Variants in SUSD6 observed in about 807,000 individuals in gnomAD.
The protein encoded by SUSD6 is sushi domain containing 6, also known as sushi domain-containing protein 6.
A neutral mutation model predicts 28.4 loss-of-function variants in SUSD6; 16 were observed. The ratio of observed to expected loss-of-function variants is 0.56; its 90% confidence interval spans 0.38 to 0.86. The LOEUF (loss-of-function observed/expected upper bound fraction) is 0.86. SUSD6 is among the 40% of genes least tolerant of loss of function. The pLI is 0.00. For synonymous variants in SUSD6, 147 were observed against 159.6 expected (o/e 0.92, Z 0.59); for missense variants, 341 against 384.2 (o/e 0.89, Z 0.94).
At chr14:69,619,488 C>T (rs931528499) in intron 1 of SUSD6, among the ~76,000 whole-genome samples, 1 of 151,810 alleles carries the variant, frequency 6.6e-6, no homozygotes, top group Admixed American at 6.6e-5. Context: ...TGGCCTGGTA[C>T]GGTGGCTCAC....
chr14:69,679,745 A>G (rs1055649505), intron 2 of SUSD6, among the ~76,000 whole-genome samples: 2 of 152,174 alleles, frequency 1.3e-5, no homozygotes, highest in African/African-American at 4.8e-5. Flanking sequence ...TTATTTTACT[A>G]TGTCAATTTT....
At chr14:69,673,375 G>C (rs1885861936) in intron 2 of SUSD6, among the ~76,000 whole-genome samples, 1 of 152,174 alleles carries the variant, frequency 6.6e-6, no homozygotes, top group African/African-American at 2.4e-5. Flanking sequence ...AGCAGCAGCT[G>C]CTGCTGGTCT....
intron 2 of SUSD6, among the ~76,000 whole-genome samples, chr14:69,675,174 C>CT (rs1885889258): frequency 6.6e-6 from 1 of 152,130 alleles, no homozygotes; most frequent in Admixed American, 6.5e-5. Flanking sequence ...TGTTGCCGTG[C>CT]TTAAGTTCAC....
At chr14:69,669,353 C>T (rs576974561) in intron 2 of SUSD6, among the ~76,000 whole-genome samples, 2 of 152,334 alleles carry the variant, frequency 1.3e-5, no homozygotes, top group South Asian at 4.1e-4. Flanking sequence ...TGAGCCAGTG[C>T]TCCTGGCCTC....
chr14:69,652,020 A>G (rs1885511825), intron 1 of SUSD6, among the ~76,000 whole-genome samples: 1 of 152,178 alleles, frequency 6.6e-6, no homozygotes, highest in South Asian at 2.1e-4. Flanking sequence ...AGGTTGGTGA[A>G]CATAGTTAAT....
At chr14:69,678,299 T>C (rs1243374171) in intron 2 of SUSD6, among the ~76,000 whole-genome samples, 1 of 150,402 alleles carries the variant, frequency 6.6e-6, no homozygotes, top group Non-Finnish European at 1.5e-5. Flanking sequence ...TTAATATAAG[T>C]GTATATTACA....
In SUSD6 at chr14:69,704,689, C is replaced by CGTGGTGCTGTTT; in HGVS notation, c.409_420dup (p.Val137_Val140dup). The CGTGGTGCTGTTT allele has an allele frequency of 6.2e-7, 1 of 1,614,188 alleles. No homozygotes were observed. The highest frequency in any genetic ancestry group is 8.5e-7 in the Non-Finnish European group (1 of 1,180,030). The stretch of plus-strand genomic sequence containing the variant: ...GCTCCGTGGCGCTCATTCTCCTCCT[C>CGTGGTGCTGTTT]GTGGTGCTGTTTGTGCTGCTGCAGC... On this transcript the variant is annotated inframe_insertion, in exon 4 of 6. Coordinates refer to ENST00000342745, the MANE Select transcript of SUSD6 (RefSeq NM_014734.4).
rs1886527407 is a variant in SUSD6 at position 69,715,066 on chromosome 14, A to G, written c.*4087A>G. 1 of 152,144 alleles carries G rather than the reference A, an allele frequency of 6.6e-6. No homozygotes were observed. Among genetic ancestry groups the G allele is most frequent in the Admixed American group, 6.6e-5 (1 of 15,260 alleles). 9.4% of individuals were successfully genotyped at this position (152,144 alleles called of 1,614,324 possible). On this transcript the variant is annotated 3_prime_UTR_variant, in exon 6 of 6. Transcript: ENST00000342745. The stretch of plus-strand genomic sequence containing the variant: ...GAAGATAGTATTTTAATATTTGTAC[A>G]AAGTTTAATTTAATTTTAATTGTTC...
chr14:69,631,936 C>G (rs1197586456), intron 1 of SUSD6, among the ~76,000 whole-genome samples: 2 of 152,160 alleles, frequency 1.3e-5, no homozygotes, highest in African/African-American at 2.4e-5. Context: ...GAGGGAAGTA[C>G]TTGTTTAGAA....
At chr14:69,691,654 G>C (rs1886154446) in intron 2 of SUSD6, among the ~76,000 whole-genome samples, 1 of 152,184 alleles carries the variant, frequency 6.6e-6, no homozygotes, top group African/African-American at 2.4e-5. Flanking sequence ...TGTGTGTTCT[G>C]GGCAGTGGCA....
chr14:69,688,365 T>A (rs3784150), intron 2 of SUSD6, among the ~76,000 whole-genome samples: 4,851 of 152,322 alleles, frequency 0.032, 102 homozygotes, highest in Middle Eastern at 0.068. Flanking sequence ...TTATAGAGCA[T>A]GAGCCTGGAC....
intron 2 of SUSD6, among the ~76,000 whole-genome samples, chr14:69,669,526 G>A (rs6573899): frequency 6.6e-6 from 1 of 152,014 alleles, no homozygotes; most frequent in African/African-American, 2.4e-5. Flanking sequence ...ACTTGGGTGG[G>A]GTTTGGCTTC....
chr14:69,675,992 C>T (rs771590633), intron 2 of SUSD6, among the ~76,000 whole-genome samples: 15 of 152,162 alleles, frequency 9.9e-5, no homozygotes, highest in Non-Finnish European at 2.2e-4. Flanking sequence ...TTTAGTATGA[C>T]TTCAACCACT....
intron 1 of SUSD6, among the ~76,000 whole-genome samples, chr14:69,655,144 GGTGT>G (rs374901088): frequency 2.0e-5 from 3 of 146,690 alleles, no homozygotes; most frequent in African/African-American, 7.6e-5. Flanking sequence ...TGCTTATAGG[GGTGT>G]GTGTGTGTGT....
rs374570753 is a variant in SUSD6 at position 69,662,153 on chromosome 14, G to A, written c.121+3440G>A. ...CCCACTTCAGAGACATTTTTAAGTG[G>A]GTGCTTGTAAAATATACAGCCTTGC... On this transcript the variant is annotated intron_variant, in intron 2 of 5. Transcript: ENST00000342745. Among the ~76,000 whole-genome samples the A allele has an allele frequency of 2.3e-3, 350 of 152,064 alleles. 3 individuals are homozygous for A. Among genetic ancestry groups the A allele is most frequent in the African/African-American group, 8.0e-3 (334 of 41,498 alleles).
chr14:69,654,943 C>T (rs1354344312), intron 1 of SUSD6, among the ~76,000 whole-genome samples: 1 of 151,648 alleles, frequency 6.6e-6, no homozygotes, highest in Non-Finnish European at 1.5e-5. Context: ...TACAGGTGCC[C>T]GCCACCACAC....
intron 2 of SUSD6, among the ~76,000 whole-genome samples, chr14:69,691,745 G>C (rs1482485915): frequency 1.3e-5 from 2 of 152,136 alleles, no homozygotes; most frequent in African/African-American, 4.8e-5. Context: ...CGTCTTAGAA[G>C]TCTTGTGTTC....
At chr14:69,621,444 G>C (rs1181435087) in intron 1 of SUSD6, among the ~76,000 whole-genome samples, 1 of 152,188 alleles carries the variant, frequency 6.6e-6, no homozygotes, top group Non-Finnish European at 1.5e-5. Context: ...ATGGCAGTGG[G>C]AGGTGAAGGA....
intron 2 of SUSD6, among the ~76,000 whole-genome samples, chr14:69,672,787 G>T (rs974481783): frequency 3.3e-5 from 5 of 152,226 alleles, no homozygotes; most frequent in Admixed American, 3.3e-4. Context: ...GATCTGAGCA[G>T]ATCAGCCTTA....
Sources: allele counts gnomAD v4.1 joint callset (sites outside exome capture counted in the v4.1 genomes callset), GRCh38; gene constraint gnomAD v4.1.1; transcripts MANE v1.5; gene names NCBI Gene and HGNC (gene_info 2026-07-23, HGNC 2026-07-21).